Variants in IAPP observed in about 807,000 individuals in gnomAD.
The protein encoded by IAPP is islet amyloid polypeptide.
A neutral mutation model predicts 2.9 loss-of-function variants in IAPP; 4 were observed. That is an observed-to-expected ratio of 1.39 (90% CI 0.69 to 3.19). The LOEUF is 3.19. IAPP is among the 30% of genes most tolerant of loss of function. The probability of loss-of-function intolerance (pLI) is 0.01; values close to 1 mark genes in which losing one functional copy is unlikely to be tolerated. For synonymous variants in IAPP, 40 were observed against 42.1 expected (o/e 0.95, Z 0.19); for missense variants, 114 against 105.3 (o/e 1.08, Z -0.36).
intron 1 of IAPP, among the ~76,000 whole-genome samples, chr12:21,365,975 G>T (rs533693359): frequency 1.3e-5 from 2 of 152,218 alleles, no homozygotes; most frequent in Non-Finnish European, 2.9e-5. Flanking sequence ...TTCAACCATT[G>T]TGGAAGACAG....
At chr12:21,368,748 T>C (rs1393574011), upstream of IAPP, among the ~76,000 whole-genome samples, 3 of 152,064 alleles carry the variant, frequency 2.0e-5, no homozygotes, top group African/African-American at 7.2e-5. Context: ...TTATATACAT[T>C]TGAAAGTTCC....
At chr12:21,374,724 T>C (rs1014495538) in intron 2 of IAPP, among the ~76,000 whole-genome samples, 6 of 152,194 alleles carry the variant, frequency 3.9e-5, no homozygotes, top group Admixed American at 2.6e-4. Flanking sequence ...TATTTCCTAG[T>C]ATATCTGTTT....
chr12:21,376,368 A>G, intron 2 of IAPP: 2 of 356,952 alleles, frequency 5.6e-6, no homozygotes, highest in Non-Finnish European at 1.1e-5. Flanking sequence ...AAGAAAAGTA[A>G]GTATTTTAGA....
At chr12:21,375,581 C>A (rs141200701) in intron 2 of IAPP, among the ~76,000 whole-genome samples, 41 of 152,260 alleles carry the variant, frequency 2.7e-4, no homozygotes, top group Middle Eastern at 3.4e-3. Flanking sequence ...TTGTAAATAT[C>A]TGCCTGGCAG....
chr12:21,369,155 C>T (rs1025700420), upstream of IAPP, among the ~76,000 whole-genome samples: 7 of 152,058 alleles, frequency 4.6e-5, no homozygotes, highest in Non-Finnish European at 1.0e-4. Context: ...TATAAAACAT[C>T]TTTTACTTTT....
chr12:21,373,682 T>C (rs1413837618), intron 2 of IAPP: 2 of 701,746 alleles, frequency 2.9e-6, no homozygotes, highest in Non-Finnish European at 5.2e-6. Flanking sequence ...AAATATACTC[T>C]TGGAACTTAG....
intron 1 of IAPP, among the ~76,000 whole-genome samples, chr12:21,363,115 C>T (rs1484500136): frequency 1.3e-5 from 2 of 152,238 alleles, no homozygotes; most frequent in African/African-American, 4.8e-5. Context: ...ACACATCACA[C>T]TTATTCCAAA....
chr12:21,369,431 G>A (rs191907925), upstream of IAPP, among the ~76,000 whole-genome samples: 58 of 152,170 alleles, frequency 3.8e-4, no homozygotes, highest in Admixed American at 3.2e-3. Flanking sequence ...AATATCCTGG[G>A]ACAGGCAGAT....
chr12:21,362,408 A>T (rs1466389959), intron 1 of IAPP, among the ~76,000 whole-genome samples: 1 of 152,200 alleles, frequency 6.6e-6, no homozygotes, highest in Admixed American at 6.5e-5. Context: ...AGCACTAAAC[A>T]TGGAAAGGAA....
upstream of IAPP, among the ~76,000 whole-genome samples, chr12:21,372,004 A>C (rs1481946282): frequency 1.4e-5 from 2 of 145,918 alleles, no homozygotes; most frequent in Non-Finnish European, 1.5e-5. Flanking sequence ...ACTTCATCTC[A>C]AAAAAAAAGA....
intron 2 of IAPP, among the ~76,000 whole-genome samples, 185 bp from the exon 3 acceptor site, chr12:21,378,052 A>G (rs1452481169): frequency 3.3e-5 from 5 of 152,194 alleles, no homozygotes; most frequent in Non-Finnish European, 7.4e-5. Context: ...TATGATTTTC[A>G]ATTGTTATTT....
chr12:21,367,237 C>T (rs1427884023), intron 1 of IAPP, among the ~76,000 whole-genome samples: 1 of 152,092 alleles, frequency 6.6e-6, no homozygotes, highest in Non-Finnish European at 1.5e-5. Flanking sequence ...TGCTCAGAAA[C>T]AAAAGGTCTC....
chr12:21,372,712 C>T (rs1939887565), upstream of IAPP, among the ~76,000 whole-genome samples: 1 of 152,176 alleles, frequency 6.6e-6, no homozygotes, highest in Admixed American at 6.5e-5. Flanking sequence ...TGCACAAGGA[C>T]ACTGTGTATT....
rs546851814 is a variant in IAPP, at chr12:21,376,528, T to A, written c.81-1709T>A. Among the ~76,000 whole-genome samples, 201 of 152,222 alleles carry A rather than the reference T, an allele frequency of 1.3e-3. No individual in the cohort carries two copies. In the Middle Eastern group the frequency reaches 0.014, roughly 10 times the overall value. On this transcript the variant is annotated intron_variant, in intron 2 of 2. Transcript: ENST00000240652. ...GATTGATATAGGTTAAATAATTAGA[T>A]CCCAAAGTGGTTTTCTTTGCCCAGA...
upstream of IAPP, among the ~76,000 whole-genome samples, chr12:21,369,391 T>A (rs1939623755): frequency 6.6e-6 from 1 of 152,208 alleles, no homozygotes; most frequent in South Asian, 2.1e-4. Flanking sequence ...TTCCTGTTTT[T>A]ACTCTTGCCA....
At chr12:21,361,888 G>C (rs907971900) in intron 1 of IAPP, among the ~76,000 whole-genome samples, 1 of 152,132 alleles carries the variant, frequency 6.6e-6, no homozygotes, top group African/African-American at 2.4e-5. Flanking sequence ...AGAAATATGG[G>C]ACTATGTGAA....
intron 1 of IAPP, among the ~76,000 whole-genome samples, chr12:21,367,860 A>C (rs1939506174): frequency 6.6e-6 from 1 of 152,164 alleles, no homozygotes; most frequent in Admixed American, 6.5e-5. Flanking sequence ...CAAAAAAATG[A>C]AAAAGAAAAA....
At chr12:21,355,899 A>C (rs768006788) in intron 1 of IAPP, among the ~76,000 whole-genome samples, 1 of 152,212 alleles carries the variant, frequency 6.6e-6, no homozygotes, top group Non-Finnish European at 1.5e-5. Flanking sequence ...AAAATGGCCA[A>C]GAAGTATTTA....
intron 1 of IAPP, 71 bp from the exon 2 acceptor site, chr12:21,373,266 T>C: frequency 1.0e-6 from 1 of 956,744 alleles, no homozygotes; most frequent in Non-Finnish European, 1.7e-6. Flanking sequence ...AAAACTAAGC[T>C]CTAATTTAAA....
Sources: allele counts gnomAD v4.1 joint callset (sites outside exome capture counted in the v4.1 genomes callset), GRCh38; gene constraint gnomAD v4.1.1; transcripts MANE v1.5; gene names NCBI Gene and HGNC (gene_info 2026-07-23, HGNC 2026-07-21).